Variants in MITF observed in about 807,000 individuals in gnomAD.
The protein encoded by MITF is melanocyte inducing transcription factor.
In MITF, 17 loss-of-function variants were observed where a neutral mutation model predicts 60.5. That is an observed-to-expected ratio of 0.28 (90% CI 0.19 to 0.42). The LOEUF (loss-of-function observed/expected upper bound fraction) is 0.42. MITF is among the 10% of genes least tolerant of loss of function. The probability of loss-of-function intolerance (pLI) is 1.00; values close to 1 mark genes in which losing one functional copy is unlikely to be tolerated. For synonymous variants in MITF, 260 were observed against 248.5 expected (o/e 1.05, Z -0.43); for missense variants, 622 against 683.5 (o/e 0.91, Z 1.00).
intron 1 of MITF, among the ~76,000 whole-genome samples, chr3:69,848,762 G>A (rs2063773451): frequency 6.6e-6 from 1 of 152,178 alleles, no homozygotes; most frequent in Admixed American, 6.5e-5. Context: ...TAAGGAAAGA[G>A]CAGACACTGA....
intron 7 of MITF, among the ~76,000 whole-genome samples, chr3:69,953,395 T>G (rs1431056395): frequency 6.6e-6 from 1 of 152,016 alleles, no homozygotes; most frequent in Non-Finnish European, 1.5e-5. Context: ...GCTCAAACTC[T>G]GAAGGCTATG....
chr3:69,887,377 T>G lies in MITF; in HGVS notation c.354+7994T>G, dbSNP rs2064645325. 2.0e-5 allele frequency among the ~76,000 whole-genome samples: 3 copies of G among 152,210 alleles called. No homozygotes were observed. In the South Asian group the frequency reaches 6.2e-4, roughly 32 times the overall value. The stretch of plus-strand genomic sequence containing the variant: ...GTGGGTGTGATCTGTGTTAAAAATA[T>G]GTAAATCAGTACAGTGGCTTCACTC... On this transcript the variant is annotated intron_variant, in intron 2 of 9. Transcript: ENST00000352241.
intron 1 of MITF, among the ~76,000 whole-genome samples, chr3:69,870,562 G>A (rs1178136553): frequency 6.6e-6 from 1 of 151,528 alleles, no homozygotes; most frequent in African/African-American, 2.4e-5. Flanking sequence ...AGCCTCTTAA[G>A]TAGCTGGGAC....
intron 2 of MITF, among the ~76,000 whole-genome samples, chr3:69,895,072 C>T (rs1368142687): frequency 6.6e-6 from 1 of 152,176 alleles, no homozygotes; most frequent in Non-Finnish European, 1.5e-5. Flanking sequence ...CCTGGACTTT[C>T]AGTGAATTAT....
At chr3:69,922,780 C>T (rs2107436497) in intron 2 of MITF, among the ~76,000 whole-genome samples, 1 of 152,174 alleles carries the variant, frequency 6.6e-6, no homozygotes, top group East Asian at 1.9e-4. Flanking sequence ...GCCATTGAGT[C>T]TGGAAGATTG....
At chr3:69,908,102 T>C (rs2065141488) in intron 2 of MITF, among the ~76,000 whole-genome samples, 1 of 151,300 alleles carries the variant, frequency 6.6e-6, no homozygotes, top group Non-Finnish European at 1.5e-5. Context: ...CTTTTGATCT[T>C]GCTATAGAAT....
Position 69,944,205 on chromosome 3 carries a change from A to G in MITF, c.762+2874A>G, listed in dbSNP as rs139087807. On this transcript the variant is annotated intron_variant, in intron 5 of 9. Transcript: ENST00000352241. ...CATTATCTCGTTGTTCCGAAAGTAT[A>G]TTAAAGATTAATTTAGCATTTATGG... is the stretch of plus-strand genomic sequence containing the variant. Among the ~76,000 whole-genome samples the G allele has an allele frequency of 9.0e-4, 137 of 152,262 alleles. 1 individual carries two copies. Among genetic ancestry groups the G allele is most frequent in the African/African-American group, 2.9e-3 (120 of 41,554 alleles).
chr3:69,940,635 G>C (rs143856439), intron 4 of MITF, among the ~76,000 whole-genome samples: 2 of 152,302 alleles, frequency 1.3e-5, no homozygotes, highest in African/African-American at 4.8e-5. Context: ...TGCAGGGATA[G>C]CCAGTGGCCT....
At chr3:69,783,688 A>T (rs1187290078) in intron 1 of MITF, among the ~76,000 whole-genome samples, 4 of 152,018 alleles carry the variant, frequency 2.6e-5, no homozygotes, top group Non-Finnish European at 4.4e-5. Flanking sequence ...GTTTTAAATT[A>T]TCCAGAATAT....
At position 69,834,947 on chromosome 3, in the gene MITF, CT is replaced by C. The variant is rs779921656; in HGVS notation, c.105-44181del. ...ACCTGATGATTAGTGATGTTGAGTACTTTTTTCATATCTGTTGCCATGTGTA... is the reference window on the plus strand; with the variant it reads ...ACCTGATGATTAGTGATGTTGAGTACTTTTTCATATCTGTTGCCATGTGTA... On this transcript the variant is annotated intron_variant, in intron 1 of 9. Coordinates refer to ENST00000352241, the MANE Select transcript of MITF (RefSeq NM_001354604.2). Among the ~76,000 whole-genome samples, 397 of 135,858 alleles carry C rather than the reference CT, an allele frequency of 2.9e-3. 1 individual carries two copies. Among genetic ancestry groups the C allele is most frequent in the Non-Finnish European group, 4.1e-3 (260 of 63,660 alleles). 89.1% of individuals were successfully genotyped at this position (135,858 alleles called of 152,430 possible). A position where few individuals can be genotyped will look rare whatever the true frequency, so the allele number is the denominator to read the frequency against.
At chr3:69,811,442 C>A (rs2063098963) in intron 1 of MITF, among the ~76,000 whole-genome samples, 1 of 152,176 alleles carries the variant, frequency 6.6e-6, no homozygotes, top group African/African-American at 2.4e-5. Flanking sequence ...CACTGTACCA[C>A]AAAGCCCTCA....
chr3:69,927,242 A>G lies in MITF; in HGVS notation c.355-10580A>G, dbSNP rs1197365114. Among the ~76,000 whole-genome samples the G allele has an allele frequency of 2.0e-5, 3 of 152,200 alleles. No homozygotes were observed. The East Asian group carries it at 5.8e-4, about 29-fold the overall frequency. ...TTTACATTAATGAACTTTCCGTCTC[A>G]TTAAATATTGTTAGATTAACACAGT... On this transcript the variant is annotated intron_variant, in intron 2 of 9. Transcript: ENST00000352241.
chr3:69,895,889 A>G (rs1046153522), intron 2 of MITF, among the ~76,000 whole-genome samples: 29 of 146,280 alleles, frequency 2.0e-4, no homozygotes, highest in Non-Finnish European at 3.6e-4. Flanking sequence ...AAGCCTTTCC[A>G]TTTTCACTGA....
chr3:69,896,276 C>G (rs1046649556), intron 2 of MITF, among the ~76,000 whole-genome samples: 1 of 152,190 alleles, frequency 6.6e-6, no homozygotes, highest in Non-Finnish European at 1.5e-5. Context: ...TAAAGCATTA[C>G]TTGGCTTTCC....
chr3:69,810,373 T>A (rs2063081812), intron 1 of MITF, among the ~76,000 whole-genome samples: 1 of 152,190 alleles, frequency 6.6e-6, no homozygotes, highest in African/African-American at 2.4e-5. Context: ...CTGAATTGGA[T>A]AGGTTTTTGA....
At chr3:69,910,720 G>A (rs192603209) in intron 2 of MITF, among the ~76,000 whole-genome samples, 19 of 152,220 alleles carry the variant, frequency 1.2e-4, no homozygotes, top group African/African-American at 4.1e-4. Flanking sequence ...CCCTGTAACC[G>A]CTTTGTTTTG....
chr3:69,860,597 CAAAAAAAA>C (rs1039213953), intron 1 of MITF, among the ~76,000 whole-genome samples: 2 of 60,784 alleles, frequency 3.3e-5, no homozygotes, highest in Non-Finnish European at 6.3e-5. Context: ...GACTCCGTCT[CAAAAAAAA>C]AAAAAAAAAA....
intron 7 of MITF, among the ~76,000 whole-genome samples, chr3:69,953,379 T>C (rs1228962494): frequency 1.3e-5 from 2 of 152,102 alleles, no homozygotes; most frequent in Non-Finnish European, 2.9e-5. Context: ...AGTGCAAACA[T>C]GATCAGCTCA....
intron 4 of MITF, among the ~76,000 whole-genome samples, chr3:69,940,352 A>C (rs1390959798): frequency 6.6e-6 from 1 of 152,234 alleles, no homozygotes; most frequent in Non-Finnish European, 1.5e-5. Context: ...TTAAGACCCA[A>C]GCACAGACAC....
Sources: allele counts gnomAD v4.1 joint callset (sites outside exome capture counted in the v4.1 genomes callset), GRCh38; gene constraint gnomAD v4.1.1; transcripts MANE v1.5; gene names NCBI Gene and HGNC (gene_info 2026-07-23, HGNC 2026-07-21).